Variants in EIF3J observed in about 807,000 individuals in gnomAD.
The protein encoded by EIF3J is eukaryotic translation initiation factor 3 subunit J, also known as eukaryotic translation initiation factor 3, subunit 1 (alpha, 35kD).
In EIF3J, 15 loss-of-function variants were observed where a neutral mutation model predicts 39.0. The observed-to-expected ratio is 0.38, with a 90% CI of 0.26 to 0.59. The LOEUF (loss-of-function observed/expected upper bound fraction) is 0.59. Ranked by LOEUF, EIF3J falls within the 20% of genes least tolerant of loss-of-function variation. The probability of loss-of-function intolerance (pLI) is 0.60; values close to 1 mark genes in which losing one functional copy is unlikely to be tolerated. For synonymous variants in EIF3J, 98 were observed against 112.9 expected, an observed-to-expected ratio of 0.87 and a Z score of 0.84; for missense variants, 226 against 308.6, an observed-to-expected ratio of 0.73 and a Z score of 2.00.
intron 3 of EIF3J, 75 bp from the exon 4 acceptor site, chr15:44,551,356 C>T (rs2082097564): frequency 1.0e-6 from 1 of 953,150 alleles, no homozygotes; most frequent in Non-Finnish European, 1.6e-6. Context: ...TAATAGTATA[C>T]AAGTATCATG....
chr15:44,555,465 T>C (rs116446875), intron 5 of EIF3J, among the ~76,000 whole-genome samples: 1,640 of 152,322 alleles, frequency 0.011, 40 homozygotes, highest in African/African-American at 0.038. Context: ...ATTGTTTTCC[T>C]TTTCATGAGG....
chr15:44,539,287 A>T (rs191702147), intron 2 of EIF3J, among the ~76,000 whole-genome samples: 1 of 151,958 alleles, frequency 6.6e-6, no homozygotes. Flanking sequence ...TAGCCTCCCA[A>T]AGTGCTGGAA....
At chr15:44,551,653 A>T in intron 4 of EIF3J, 131 bp downstream of exon 4, 1 of 639,684 alleles carries the variant, frequency 1.6e-6, no homozygotes, top group Non-Finnish European at 2.5e-6. Context: ...GATAGGTAAA[A>T]TCCAAAACAA....
intron 4 of EIF3J, among the ~76,000 whole-genome samples, chr15:44,552,308 T>G (rs1347042989): frequency 6.6e-6 from 1 of 152,036 alleles, no homozygotes; most frequent in Non-Finnish European, 1.5e-5. Context: ...AGTGCAGTGG[T>G]GTGATTTTGG....
chr15:44,542,399 A>G (rs746948863), intron 2 of EIF3J, among the ~76,000 whole-genome samples: 1 of 152,086 alleles, frequency 6.6e-6, no homozygotes, highest in Non-Finnish European at 1.5e-5. Context: ...AAAAAAGGAG[A>G]AGGAGTATAT....
At chr15:44,548,187 TGAG>T (rs2082069722) in intron 2 of EIF3J, among the ~76,000 whole-genome samples, 1 of 152,024 alleles carries the variant, frequency 6.6e-6, no homozygotes, top group South Asian at 2.1e-4. Flanking sequence ...TTTGGGAGGC[TGAG>T]GATCACCTGA....
chr15:44,540,295 G>T (rs1251932258), intron 2 of EIF3J, among the ~76,000 whole-genome samples: 1 of 130,426 alleles, frequency 7.7e-6, no homozygotes, highest in Non-Finnish European at 1.6e-5. Flanking sequence ...TAGATACAGG[G>T]TTTCGCCATG....
chr15:44,537,321 T>C lies in EIF3J; in HGVS notation c.44-3T>C, dbSNP rs1318797338. On this transcript the variant is annotated splice_region_variant and splice_polypyrimidine_tract_variant and intron_variant, in intron 1 of 7. Coordinates refer to ENST00000261868, the MANE Select transcript of EIF3J (RefSeq NM_003758.4). ...CACTAACACGGCTCGCTTTCTTCCGTAGACGCCGACGCTTTCTCCGTGGAA... is the reference window on the plus strand; with the variant it reads ...CACTAACACGGCTCGCTTTCTTCCGCAGACGCCGACGCTTTCTCCGTGGAA... 2.6e-6 allele frequency: 4 copies of C among 1,561,624 alleles called. No individual in the cohort carries two copies. Among genetic ancestry groups the C allele is most frequent in the African/African-American group, 1.4e-5 (1 of 73,444 alleles).
At chr15:44,548,253 A>G (rs753412633) in intron 2 of EIF3J, among the ~76,000 whole-genome samples, 1 of 152,140 alleles carries the variant, frequency 6.6e-6, no homozygotes, top group African/African-American at 2.4e-5. Flanking sequence ...CGTCTCTACT[A>G]AAAATACAAA....
chr15:44,544,453 C>T (rs2082037061), intron 2 of EIF3J, among the ~76,000 whole-genome samples: 1 of 150,668 alleles, frequency 6.6e-6, no homozygotes, highest in Non-Finnish European at 1.5e-5. Flanking sequence ...ACCTGTAATC[C>T]CAACACTTTG....
intron 2 of EIF3J, among the ~76,000 whole-genome samples, chr15:44,546,387 A>G (rs1188550158): frequency 6.6e-6 from 1 of 152,300 alleles, no homozygotes; most frequent in East Asian, 1.9e-4. Context: ...CTTAATCAGG[A>G]TGTTGAATTT....
intron 2 of EIF3J, among the ~76,000 whole-genome samples, chr15:44,539,476 C>G (rs1209771810): frequency 6.6e-6 from 1 of 151,098 alleles, no homozygotes; most frequent in African/African-American, 2.4e-5. Context: ...GGCACAATCT[C>G]CGCTCACTGC....
intron 5 of EIF3J, among the ~76,000 whole-genome samples, chr15:44,555,949 T>G (rs1237538152): frequency 2.0e-5 from 3 of 152,108 alleles, no homozygotes; most frequent in Non-Finnish European, 2.9e-5. Context: ...CCTCTGCCTC[T>G]GGGCTCAAGC....
intron 2 of EIF3J, among the ~76,000 whole-genome samples, chr15:44,548,533 T>TA (rs1289778206): frequency 1.3e-5 from 2 of 152,208 alleles, no homozygotes; most frequent in Admixed American, 1.3e-4. Context: ...TAGTATATGG[T>TA]AAGTCACAAG....
intron 4 of EIF3J, among the ~76,000 whole-genome samples, chr15:44,552,330 C>T (rs2082106391): frequency 6.6e-6 from 1 of 152,098 alleles, no homozygotes; most frequent in Non-Finnish European, 1.5e-5. Flanking sequence ...TCACTGCAGC[C>T]TCCACTTCCC....
rs372971169 is a variant in EIF3J at position 44,537,419 on chromosome 15, G to A, written c.139G>A (p.Asp47Asn). The A allele has an allele frequency of 3.7e-4, 576 of 1,555,942 alleles. No individual in the cohort carries two copies. The highest frequency in any genetic ancestry group is 4.7e-4 in the Non-Finnish European group (536 of 1,150,110). Residue 47 changes from aspartate to asparagine, a missense_variant, in exon 2 of 8, where the codon GAC (aspartate) becomes AAC (asparagine). By Grantham distance (23) the Asp-to-Asn change is conservative. Coordinates refer to ENST00000261868, the MANE Select transcript of EIF3J (RefSeq NM_003758.4). ...CTGGGAAGGCGAGGACGAGGACGAG[G>A]ACGTCAAGGTGGGTGCGGGCTAGGG... is the stretch of plus-strand genomic sequence containing the variant. Reference protein sequence around the residue: ...DRWEGEDEDEDVKDNWDDDDD... With the variant: ...DRWEGEDEDENVKDNWDDDDD...
At chr15:44,549,031 T>A (rs975940948) in intron 2 of EIF3J, among the ~76,000 whole-genome samples, 3 of 151,338 alleles carry the variant, frequency 2.0e-5, no homozygotes, top group Non-Finnish European at 4.4e-5. Context: ...AAATCAGAGA[T>A]CTAAATAAAA....
intron 6 of EIF3J, chr15:44,558,943 G>C (rs1319610400): frequency 6.6e-6 from 1 of 152,098 alleles, no homozygotes; most frequent in Admixed American, 6.5e-5. Context: ...GCTAAAAACT[G>C]GTGTCTCTTT....
intron 2 of EIF3J, among the ~76,000 whole-genome samples, chr15:44,544,006 C>T (rs557404050): frequency 8.6e-5 from 13 of 152,008 alleles, no homozygotes; most frequent in African/African-American, 3.1e-4. Context: ...TGAGATGGAG[C>T]TCCTTATTTT....
Sources: allele counts gnomAD v4.1 joint callset (sites outside exome capture counted in the v4.1 genomes callset), GRCh38; gene constraint gnomAD v4.1.1; transcripts MANE v1.5; gene names NCBI Gene and HGNC (gene_info 2026-07-23, HGNC 2026-07-21).